HEXB: variants seen among roughly 807,000 people sequenced by gnomAD.
HEXB encodes hexosaminidase subunit beta.
HEXB carries 51 observed loss-of-function variants against 71.2 expected under a neutral mutation model. The observed-to-expected ratio is 0.72, with a 90% CI of 0.57 to 0.90. The LOEUF (loss-of-function observed/expected upper bound fraction) is 0.90. Ranked by LOEUF, HEXB falls within the 40% of genes least tolerant of loss-of-function variation. The pLI is 0.00. For missense variants in HEXB, 617 were observed against 677.0 expected, an observed-to-expected ratio of 0.91 and a Z score of 0.98; for synonymous variants, 266 against 249.3, an observed-to-expected ratio of 1.07 and a Z score of -0.63.
chr5:74,689,564 G>GGTTGAGAACTC, intron 2 of HEXB, 91 bp downstream of exon 2: 1 of 1,017,190 alleles, frequency 9.8e-7, no homozygotes, highest in Non-Finnish European at 1.6e-6. Flanking sequence ...AGGAACCACT[G>GGTTGAGAACTC]AGTTCTCAAC....
chr5:74,649,844 T>C (rs1748070455), intron 1 of HEXB, among the ~76,000 whole-genome samples: 1 of 152,258 alleles, frequency 6.6e-6, no homozygotes, highest in African/African-American at 2.4e-5. Flanking sequence ...AGCAAAGGAA[T>C]GTCCTAATCA....
Position 74,687,912 on chromosome 5 carries a change from TACAC to T in HEXB, c.300-1414_300-1411del, listed in dbSNP as rs533051131. Among the ~76,000 whole-genome samples, 435 of 152,298 alleles carry T rather than the reference TACAC, an allele frequency of 2.9e-3. 4 individuals are homozygous for T. Among genetic ancestry groups the T allele is most frequent in the Non-Finnish European group, 4.1e-3 (276 of 68,018 alleles). On this transcript the variant is annotated intron_variant, in intron 1 of 13. Transcript: ENST00000261416. ...TCTGCAAAAAAGCATAAGACGTTCT[TACAC>T]ATAAGTAGCATATATAACCTTCTGG...
chr5:74,712,613 CT>C (rs1400177264), intron 6 of HEXB, among the ~76,000 whole-genome samples: 7 of 152,132 alleles, frequency 4.6e-5, no homozygotes, highest in African/African-American at 1.7e-4. Flanking sequence ...CTCTTCCCAC[CT>C]TTTTCTCCTG....
chr5:74,693,341 G>A (rs770328967), intron 2 of HEXB: 53 of 462,016 alleles, frequency 1.1e-4, no homozygotes, highest in African/African-American at 1.8e-4. Context: ...CCAAATTCCC[G>A]TTCTGAGTGA....
chr5:74,685,487 ACTT>A lies in HEXB; in HGVS notation c.230_232del (p.Phe77del), dbSNP rs1554034490. 1.5e-5 allele frequency: 24 copies of A among 1,610,416 alleles called. No homozygotes were observed. Among genetic ancestry groups the A allele is most frequent in the East Asian group, 2.2e-5 (1 of 44,568 alleles). On this transcript the variant is annotated inframe_deletion, in exon 1 of 14. Coordinates refer to ENST00000261416, the MANE Select transcript of HEXB (RefSeq NM_000521.4). The stretch of plus-strand genomic sequence containing the variant: ...AACCTGCTGCATCTCGCCCCGGAGA[ACTT>A]CTACATCAGCCACAGCCCCAATTCC...
chr5:74,678,783 G>T (rs1311498478), intron 1 of HEXB, among the ~76,000 whole-genome samples: 2 of 151,974 alleles, frequency 1.3e-5, no homozygotes, highest in Admixed American at 6.6e-5. Context: ...TTAACAGAAA[G>T]GGAGAAAATA....
chr5:74,721,255 CTGTT>C lies in HEXB; in HGVS notation c.*82_*85del, dbSNP rs1354475168. 1 of 1,122,602 alleles carries C rather than the reference CTGTT, an allele frequency of 8.9e-7. No homozygotes were observed. The highest frequency in any genetic ancestry group is 1.4e-6 in the Non-Finnish European group (1 of 737,596). The allele number at this position is 1,122,602 out of a possible 1,614,324, so 69.5% of individuals were successfully genotyped here. A position where few individuals can be genotyped will look rare whatever the true frequency, so the allele number is the denominator to read the frequency against. On this transcript the variant is annotated 3_prime_UTR_variant, in exon 14 of 14. Transcript: ENST00000261416. ...AAATCATGTAAAATAAGATATTAGA[CTGTT>C]TTTTGAATAAAATATTTTTATTGAT...
intron 5 of HEXB, among the ~76,000 whole-genome samples, chr5:74,704,584 T>C (rs1749337637): frequency 6.6e-6 from 1 of 152,164 alleles, no homozygotes; most frequent in Admixed American, 6.5e-5. Context: ...GTTTTTCCTT[T>C]GCTCTATTCC....
At chr5:74,693,360 A>C (rs1749043833) in intron 2 of HEXB, 1 of 498,000 alleles carries the variant, frequency 2.0e-6, no homozygotes, top group African/African-American at 1.9e-5. Context: ...GACTCAAGTG[A>C]CTGGATGGTG....
At chr5:74,693,441 A>G in intron 2 of HEXB, 198 bp from the exon 3 acceptor site, 1 of 640,936 alleles carries the variant, frequency 1.6e-6, no homozygotes, top group Non-Finnish European at 2.8e-6. Context: ...GGGAGGGAAG[A>G]GTTCTGTTGG....
chr5:74,712,923 A>T (rs1369519244), intron 6 of HEXB, among the ~76,000 whole-genome samples: 1 of 150,844 alleles, frequency 6.6e-6, no homozygotes, highest in Non-Finnish European at 1.5e-5. Flanking sequence ...GGTAATCATT[A>T]AAAAAAAACA....
At chr5:74,708,022 G>A (rs1428582444) in intron 6 of HEXB, among the ~76,000 whole-genome samples, 3 of 151,858 alleles carry the variant, frequency 2.0e-5, no homozygotes, top group Non-Finnish European at 2.9e-5. Flanking sequence ...AGGAAAAAAT[G>A]TTAAGGGCAG....
intron 3 of HEXB, 29 bp from the exon 4 acceptor site, chr5:74,696,664 A>T: frequency 8.5e-7 from 1 of 1,175,902 alleles, no homozygotes; most frequent in African/African-American, 1.5e-5. Flanking sequence ...TGATTTATAA[A>T]TTAATGCAAT....
At chr5:74,675,741 C>A (rs1748618638) in intron 1 of HEXB, among the ~76,000 whole-genome samples, 1 of 152,164 alleles carries the variant, frequency 6.6e-6, no homozygotes, top group Non-Finnish European at 1.5e-5. Flanking sequence ...AGTGATATGA[C>A]TGACTTTACA....
intron 1 of HEXB, among the ~76,000 whole-genome samples, chr5:74,664,236 A>C (rs1386106199): frequency 1.3e-5 from 2 of 148,900 alleles, no homozygotes; most frequent in East Asian, 3.9e-4. Flanking sequence ...AGCCTGGGCA[A>C]CAAGAGTGAA....
intron 5 of HEXB, among the ~76,000 whole-genome samples, chr5:74,699,422 C>CATA (rs1561219434): frequency 1.3e-5 from 2 of 151,746 alleles, no homozygotes; most frequent in African/African-American, 4.8e-5. Context: ...TTACAGGTGC[C>CATA]CACCACCACA....
At chr5:74,689,163 A>C (rs1748939098) in intron 1 of HEXB, among the ~76,000 whole-genome samples, 165 bp from the exon 2 acceptor site, 1 of 152,200 alleles carries the variant, frequency 6.6e-6, no homozygotes, top group South Asian at 2.1e-4. Flanking sequence ...ATTTTCAAAA[A>C]ACTTCCCAAG....
upstream of HEXB, among the ~76,000 whole-genome samples, chr5:74,683,913 C>T (rs1313946967): frequency 2.0e-5 from 3 of 151,252 alleles, no homozygotes; most frequent in East Asian, 2.0e-4. Context: ...TTCCACCTTC[C>T]GGTTTCAAGC....
In HEXB at chr5:74,721,255, C is replaced by G; in HGVS notation, c.*80C>G. 8.9e-7 allele frequency: 1 copy of G among 1,122,602 alleles called. No homozygotes were observed. The highest frequency in any genetic ancestry group is 2.4e-5 in the East Asian group (1 of 40,940). The allele number at this position is 1,122,602 out of a possible 1,614,324, so 69.5% of individuals were successfully genotyped here. A position where few individuals can be genotyped will look rare whatever the true frequency, so the allele number is the denominator to read the frequency against. ...AAATCATGTAAAATAAGATATTAGACTGTTTTTTGAATAAAATATTTTTAT... is the reference window on the plus strand; with the variant it reads ...AAATCATGTAAAATAAGATATTAGAGTGTTTTTTGAATAAAATATTTTTAT... On this transcript the variant is annotated 3_prime_UTR_variant, in exon 14 of 14. Transcript: ENST00000261416.
Sources: gnomAD v4.1 joint callset for allele counts (sites outside exome capture counted in the v4.1 genomes callset) on GRCh38, gnomAD v4.1.1 for gene constraint, MANE v1.5 for transcripts, NCBI Gene and HGNC (gene_info 2026-07-23, HGNC 2026-07-21) for gene names.